The following GABRB1 variants were observed in gnomAD, a reference collection of about 807,000 sequenced individuals.
The protein encoded by GABRB1 is gamma-aminobutyric acid receptor subunit beta-1.
A neutral mutation model predicts 51.6 loss-of-function variants in GABRB1; 17 were observed. The observed-to-expected ratio is 0.33, with a 90% CI of 0.23 to 0.49. GABRB1 has a LOEUF of 0.49. Ranked by LOEUF, GABRB1 falls within the 20% of genes least tolerant of loss-of-function variation. GABRB1 has a pLI of 0.99. For missense variants in GABRB1, 410 were observed against 600.6 expected (o/e 0.68, Z 3.32); for synonymous variants, 247 against 218.9 (o/e 1.13, Z -1.14).
At chr4:47,199,584 A>G (rs889019048) in intron 4 of GABRB1, among the ~76,000 whole-genome samples, 5 of 152,134 alleles carry the variant, frequency 3.3e-5, no homozygotes, top group Non-Finnish European at 7.4e-5. Flanking sequence ...AGAGGACAAA[A>G]TGAAAGAAGG....
intron 4 of GABRB1, among the ~76,000 whole-genome samples, chr4:47,277,652 A>G (rs1277702166): frequency 1.3e-5 from 2 of 152,034 alleles, no homozygotes; most frequent in Non-Finnish European, 2.9e-5. Context: ...GCCCACAAAA[A>G]AAATTTTTTA....
chr4:47,376,663 AAAG>A (rs957710230), intron 5 of GABRB1, among the ~76,000 whole-genome samples: 9 of 152,222 alleles, frequency 5.9e-5, no homozygotes, highest in Admixed American at 5.2e-4. Flanking sequence ...AAAAAACAAA[AAAG>A]AAGCCATAGA....
At chr4:47,050,888 T>C (rs986605691) in intron 3 of GABRB1, among the ~76,000 whole-genome samples, 3 of 152,134 alleles carry the variant, frequency 2.0e-5, no homozygotes, top group Admixed American at 2.0e-4. Flanking sequence ...TGACTAGTAA[T>C]GGAGGCTCAT....
At chr4:47,083,027 C>T (rs549083519) in intron 3 of GABRB1, among the ~76,000 whole-genome samples, 83 of 152,224 alleles carry the variant, frequency 5.5e-4, no homozygotes, top group African/African-American at 2.0e-3. Context: ...ACCCTGACCT[C>T]CTCTGCTAAA....
intron 4 of GABRB1, among the ~76,000 whole-genome samples, chr4:47,284,080 A>G (rs1374098282): frequency 6.9e-6 from 1 of 145,906 alleles, no homozygotes; most frequent in East Asian, 2.0e-4. Flanking sequence ...CCTGAGCGAC[A>G]GAGCGAGACT....
intron 3 of GABRB1, among the ~76,000 whole-genome samples, chr4:47,084,517 G>A (rs1264067725): frequency 6.6e-6 from 1 of 152,142 alleles, no homozygotes; most frequent in African/African-American, 2.4e-5. Flanking sequence ...CTAGAAGTCT[G>A]GAAGCTCTGA....
At chr4:47,331,730 A>C (rs996017279) in intron 5 of GABRB1, among the ~76,000 whole-genome samples, 1 of 152,142 alleles carries the variant, frequency 6.6e-6, no homozygotes, top group Non-Finnish European at 1.5e-5. Flanking sequence ...GATTCACTTG[A>C]GATCCAAACT....
At chr4:47,211,066 T>C (rs1720334033) in intron 4 of GABRB1, among the ~76,000 whole-genome samples, 1 of 152,198 alleles carries the variant, frequency 6.6e-6, no homozygotes, top group South Asian at 2.1e-4. Flanking sequence ...TTTAAAGCAT[T>C]GATTAACCAG....
intron 5 of GABRB1, among the ~76,000 whole-genome samples, chr4:47,343,262 A>T (rs2109989410): frequency 6.6e-6 from 1 of 152,240 alleles, no homozygotes; most frequent in East Asian, 1.9e-4. Flanking sequence ...GACAAGGAGA[A>T]GTGAGGAATT....
chr4:46,994,603 C>T (rs757644928), intron 1 of GABRB1, among the ~76,000 whole-genome samples: 1 of 151,908 alleles, frequency 6.6e-6, no homozygotes, highest in Non-Finnish European at 1.5e-5. Context: ...TATTAGTTCC[C>T]TTGTGACATG....
At chr4:47,111,090 A>C (rs1177087703) in intron 3 of GABRB1, among the ~76,000 whole-genome samples, 1 of 152,208 alleles carries the variant, frequency 6.6e-6, no homozygotes, top group African/African-American at 2.4e-5. Context: ...TATTGCATTA[A>C]TTTTCAGTAG....
At chr4:47,285,987 G>A (rs1336428977) in intron 4 of GABRB1, among the ~76,000 whole-genome samples, 1 of 152,182 alleles carries the variant, frequency 6.6e-6, no homozygotes, top group African/African-American at 2.4e-5. Flanking sequence ...ATATGTGCCT[G>A]AGCTAAATTG....
At chr4:47,244,014 G>A (rs896482616) in intron 4 of GABRB1, among the ~76,000 whole-genome samples, 4 of 152,194 alleles carry the variant, frequency 2.6e-5, no homozygotes, top group African/African-American at 9.7e-5. Flanking sequence ...GATATTGGCT[G>A]TGGGTTTGTC....
At chr4:47,299,803 C>A (rs557712476) in intron 4 of GABRB1, among the ~76,000 whole-genome samples, 2 of 152,100 alleles carry the variant, frequency 1.3e-5, no homozygotes, top group East Asian at 3.9e-4. Context: ...ATGTTTATTG[C>A]AGCACTATTC....
At chr4:47,142,131 G>A (rs1193350127) in intron 3 of GABRB1, among the ~76,000 whole-genome samples, 4 of 151,828 alleles carry the variant, frequency 2.6e-5, no homozygotes, top group Admixed American at 6.6e-5. Flanking sequence ...TAAGCCGAGG[G>A]TGCTCTAAAA....
chr4:46,993,664 A>T, upstream of GABRB1: 1 of 517,050 alleles, frequency 1.9e-6, no homozygotes, highest in Non-Finnish European at 3.5e-6. Context: ...ATGTAGAGCT[A>T]TGTATACCGC....
At chr4:47,231,223 A>C (rs1721130709) in intron 4 of GABRB1, among the ~76,000 whole-genome samples, 1 of 152,190 alleles carries the variant, frequency 6.6e-6, no homozygotes. Flanking sequence ...ATGTTTAGTA[A>C]AATTGATTTT....
rs797015426 is a variant in GABRB1 at position 47,025,881 on chromosome 4, G to GT, written c.-19-6025dup. On this transcript the variant is annotated intron_variant, in intron 1 of 3. Transcript: ENST00000513567. ...GTTCAATTCTGCCTTTACTACTTCC[G>GT]TTTTTTTTGTAATGCCATCAACTTT... Among the ~76,000 whole-genome samples the GT allele has an allele frequency of 4.7e-4, 71 of 151,288 alleles. 1 individual carries two copies. Among genetic ancestry groups the GT allele is most frequent in the Admixed American group, 3.0e-3 (45 of 15,156 alleles).
intron 3 of GABRB1, among the ~76,000 whole-genome samples, chr4:47,113,611 T>C (rs978964937): frequency 7.2e-5 from 11 of 152,150 alleles, no homozygotes; most frequent in Non-Finnish European, 1.3e-4. Flanking sequence ...TTTCAACACA[T>C]GGAGAAGAGA....
Sources: gnomAD v4.1 joint callset for allele counts (sites outside exome capture counted in the v4.1 genomes callset) on GRCh38, gnomAD v4.1.1 for gene constraint, MANE v1.5 for transcripts, NCBI Gene and HGNC (gene_info 2026-07-23, HGNC 2026-07-21) for gene names.